Variants in TMEM74 observed in about 807,000 individuals in gnomAD.
TMEM74 encodes transmembrane protein 74.
In TMEM74, 13 loss-of-function variants were observed where a neutral mutation model predicts 18.1. The ratio of observed to expected loss-of-function variants is 0.72; its 90% CI spans 0.47 to 1.14. The LOEUF (loss-of-function observed/expected upper bound fraction) is 1.14, where lower values mean the gene tolerates loss of function less well. TMEM74 is among the 50% of genes most tolerant of loss of function. TMEM74 has a pLI of 0.00. For synonymous variants in TMEM74, 159 were observed against 146.6 expected (o/e 1.08, Z -0.61); for missense variants, 372 against 375.9 (o/e 0.99, Z 0.09).
intron 2 of TMEM74, among the ~76,000 whole-genome samples, chr8:108,611,236 T>G (rs1377625460): frequency 6.6e-6 from 1 of 152,166 alleles, no homozygotes; most frequent in Admixed American, 6.5e-5. Flanking sequence ...AGGGTGTATA[T>G]CTGCAGTAGG....
chr8:108,710,646 T>C (rs747067282), intron 1 of TMEM74, among the ~76,000 whole-genome samples: 3 of 152,182 alleles, frequency 2.0e-5, no homozygotes, highest in African/African-American at 4.8e-5. Context: ...GTTCGCCTTG[T>C]CTCAGCTGCT....
chr8:108,656,248 ATC>A lies in TMEM74; in HGVS notation n.120-813_120-812del, dbSNP rs375984256. On this transcript the variant is annotated intron_variant and non_coding_transcript_variant, in intron 1 of 3. Transcript: ENST00000518838. ...ATCTGCTCTAGTGGACCATATGGAAATCTTAGTGGTAAAGGTTGTAAACTTGC... is the reference window on the plus strand; with the variant it reads ...ATCTGCTCTAGTGGACCATATGGAAATTAGTGGTAAAGGTTGTAAACTTGC... 2.7e-4 allele frequency among the ~76,000 whole-genome samples: 41 copies of A among 152,232 alleles called. No homozygotes were observed. In the East Asian group the frequency reaches 7.8e-3, roughly 29 times the overall value.
At chr8:108,607,492 G>A (rs1437542096) in exon 4 of TMEM74, 1 of 152,124 alleles carries the variant, frequency 6.6e-6, no homozygotes, top group Non-Finnish European at 1.5e-5. Context: ...CTGGTCTCTG[G>A]TCCACCTGAT....
At chr8:108,613,353 C>T (rs973695702) in intron 2 of TMEM74, among the ~76,000 whole-genome samples, 5 of 152,366 alleles carry the variant, frequency 3.3e-5, no homozygotes, top group African/African-American at 1.2e-4. Flanking sequence ...GTCCCACCAA[C>T]ATCATTTCCT....
intron 1 of TMEM74, among the ~76,000 whole-genome samples, chr8:108,661,336 C>T (rs1812897355): frequency 2.0e-5 from 3 of 148,432 alleles, no homozygotes. Context: ...TGATTTTTGC[C>T]ACTGAACCTG....
At chr8:108,707,274 T>A (rs2058522960) in intron 1 of TMEM74, among the ~76,000 whole-genome samples, 1 of 151,818 alleles carries the variant, frequency 6.6e-6, no homozygotes, top group Non-Finnish European at 1.5e-5. Flanking sequence ...ACATGGCACA[T>A]GTACACCTAT....
At chr8:108,760,185 A>G (rs62509392) in intron 1 of TMEM74, among the ~76,000 whole-genome samples, 2 of 151,306 alleles carry the variant, frequency 1.3e-5, no homozygotes, top group South Asian at 4.2e-4. Context: ...GGAGAGAGAG[A>G]GGGAGAGAGA....
chr8:108,651,604 G>A (rs967536605), intron 2 of TMEM74, among the ~76,000 whole-genome samples: 11 of 151,972 alleles, frequency 7.2e-5, no homozygotes, highest in South Asian at 2.1e-4. Flanking sequence ...TGAAGGATGA[G>A]GCAGAGGAGT....
chr8:108,684,337 C>T (rs918522206), intron 1 of TMEM74, among the ~76,000 whole-genome samples: 2 of 152,046 alleles, frequency 1.3e-5, no homozygotes, highest in African/African-American at 4.8e-5. Context: ...TTTTGATTTG[C>T]ATTTCTCTGA....
chr8:108,785,117 C>A lies in TMEM74; in HGVS notation c.-19G>T. Reference sequence around the variant, plus strand: ...GCTCCATGAGAGCTAGTCAGACATCCCCCAGCAGCTTCCGGAAAGTCTGCC... The same window carrying A: ...GCTCCATGAGAGCTAGTCAGACATCACCCAGCAGCTTCCGGAAAGTCTGCC... On this transcript the variant is annotated 5_prime_UTR_variant, in exon 2 of 2. Coordinates refer to ENST00000297459, the MANE Select transcript of TMEM74 (RefSeq NM_153015.3). 1 of 1,553,538 alleles carries A rather than the reference C, an allele frequency of 6.4e-7. No homozygotes were observed. Among genetic ancestry groups the A allele is most frequent in the Non-Finnish European group, 8.7e-7 (1 of 1,154,498 alleles).
chr8:108,713,791 C>T (rs946994637), intron 1 of TMEM74, among the ~76,000 whole-genome samples: 1 of 152,178 alleles, frequency 6.6e-6, no homozygotes, highest in African/African-American at 2.4e-5. Context: ...AAGCCATCTG[C>T]AAGCTGGAGA....
chr8:108,770,621 T>C (rs2130671023), intron 1 of TMEM74, among the ~76,000 whole-genome samples: 1 of 152,300 alleles, frequency 6.6e-6, no homozygotes, highest in South Asian at 2.1e-4. Context: ...TCTACTCTAT[T>C]TTCCTCAGTC....
At chr8:108,665,821 T>C (rs1274426121) in intron 1 of TMEM74, among the ~76,000 whole-genome samples, 4 of 152,060 alleles carry the variant, frequency 2.6e-5, no homozygotes, top group Non-Finnish European at 4.4e-5. Context: ...TACAAAGAGA[T>C]GGAGAAGTTG....
chr8:108,767,094 C>G (rs1814116776), intron 1 of TMEM74, among the ~76,000 whole-genome samples: 1 of 152,156 alleles, frequency 6.6e-6, no homozygotes, highest in Non-Finnish European at 1.5e-5. Flanking sequence ...ACAGACGCAT[C>G]CTGGAATAAT....
chr8:108,648,526 G>A (rs117531127), intron 2 of TMEM74, among the ~76,000 whole-genome samples: 1,747 of 152,250 alleles, frequency 0.011, 20 homozygotes, highest in Middle Eastern at 0.058. Context: ...ATATGACTAA[G>A]CATTTTAAGA....
At chr8:108,766,530 G>T (rs1047055383) in intron 1 of TMEM74, among the ~76,000 whole-genome samples, 1 of 152,118 alleles carries the variant, frequency 6.6e-6, no homozygotes, top group Non-Finnish European at 1.5e-5. Context: ...GGTCTTCCAC[G>T]TGGGCCACCA....
At chr8:108,651,970 T>G (rs1340452867) in intron 2 of TMEM74, among the ~76,000 whole-genome samples, 2 of 151,696 alleles carry the variant, frequency 1.3e-5, no homozygotes, top group African/African-American at 4.8e-5. Context: ...AGTGCAAAAG[T>G]CAATATATTT....
At chr8:108,719,320 T>G (rs1418259237) in intron 1 of TMEM74, among the ~76,000 whole-genome samples, 2 of 152,118 alleles carry the variant, frequency 1.3e-5, no homozygotes, top group African/African-American at 4.8e-5. Flanking sequence ...TTAAAATTAA[T>G]TTTGTTAAAT....
At chr8:108,642,948 A>G (rs1563738686) in intron 2 of TMEM74, among the ~76,000 whole-genome samples, 1 of 152,060 alleles carries the variant, frequency 6.6e-6, no homozygotes, top group Non-Finnish European at 1.5e-5. Flanking sequence ...ACATCTCTTA[A>G]CTCATTCATT....
Sources: allele counts gnomAD v4.1 joint callset (sites outside exome capture counted in the v4.1 genomes callset), GRCh38; gene constraint gnomAD v4.1.1; transcripts MANE v1.5; gene names NCBI Gene and HGNC (gene_info 2026-07-23, HGNC 2026-07-21).